CDH4: variants seen among roughly 807,000 people sequenced by gnomAD.
CDH4 encodes cadherin-4.
A neutral mutation model predicts 86.0 loss-of-function variants in CDH4; 33 were observed. The observed-to-expected ratio is 0.38, with a 90% CI of 0.29 to 0.51. The LOEUF is 0.51. Among genes scored for constraint, CDH4 ranks in the 20% least tolerant of loss-of-function variants. The pLI is 0.86. For synonymous variants in CDH4, 555 were observed against 549.4 expected, an observed-to-expected ratio of 1.01 and a Z score of -0.14; for missense variants, 1,114 against 1,307.4, an observed-to-expected ratio of 0.85 and a Z score of 2.28.
chr20:61,768,435 T>C (rs1367444546), intron 3 of CDH4, among the ~76,000 whole-genome samples: 1 of 152,164 alleles, frequency 6.6e-6, no homozygotes, highest in Admixed American at 6.5e-5. Context: ...ACTATCTAGT[T>C]TCTGGTAATG....
intron 2 of CDH4, among the ~76,000 whole-genome samples, chr20:61,279,867 C>T (rs2084249420): frequency 6.6e-6 from 1 of 152,182 alleles, no homozygotes; most frequent in South Asian, 2.1e-4. Context: ...GCACAGATGC[C>T]AGGATTTCTG....
chr20:61,330,508 C>T (rs1323018136), intron 2 of CDH4, among the ~76,000 whole-genome samples: 1 of 152,194 alleles, frequency 6.6e-6, no homozygotes, highest in Non-Finnish European at 1.5e-5. Flanking sequence ...GTTTGATTGT[C>T]ACCAGAGCAG....
At chr20:61,512,803 C>G (rs2085789905) in intron 2 of CDH4, among the ~76,000 whole-genome samples, 1 of 152,228 alleles carries the variant, frequency 6.6e-6, no homozygotes, top group African/African-American at 2.4e-5. Flanking sequence ...CGAGGAAGCT[C>G]ATGGCTGTGA....
chr20:61,844,613 C>T (rs1982342001), intron 4 of CDH4, 55 bp from the exon 5 acceptor site: 1 of 1,547,550 alleles, frequency 6.5e-7, no homozygotes, highest in Admixed American at 1.8e-5. Context: ...GAGATCGGCC[C>T]CGGGCCTCTC....
chr20:61,254,071 T>A (rs1039858894), intron 1 of CDH4, among the ~76,000 whole-genome samples: 6 of 152,176 alleles, frequency 3.9e-5, no homozygotes, highest in African/African-American at 1.4e-4. Flanking sequence ...CCCTGTGCCA[T>A]GGGCTCTAGA....
chr20:61,837,764 C>G (rs1055429072), intron 4 of CDH4, among the ~76,000 whole-genome samples: 2 of 151,974 alleles, frequency 1.3e-5, no homozygotes, highest in African/African-American at 2.4e-5. Context: ...ACAGAGCACC[C>G]CCCCCGTGGG....
rs1312334928 is a variant in CDH4, at chr20:61,467,131, T to C, written c.169+212194T>C. 4.6e-5 allele frequency among the ~76,000 whole-genome samples: 7 copies of C among 152,316 alleles called. No homozygotes were observed. In the East Asian group the frequency reaches 1.4e-3, roughly 29 times the overall value. ...CTACTGATGAGGAAGTTTGAAATCA[T>C]CTCTATTTCACAGATGAAGAAGCTG... On this transcript the variant is annotated intron_variant, in intron 2 of 15. Transcript: ENST00000614565.
intron 2 of CDH4, among the ~76,000 whole-genome samples, chr20:61,567,647 C>G (rs2086309948): frequency 6.6e-6 from 1 of 152,208 alleles, no homozygotes; most frequent in Non-Finnish European, 1.5e-5. Flanking sequence ...ATGCCGGGTC[C>G]TCCCCTGGAA....
chr20:61,878,938 C>G (rs992022870), intron 7 of CDH4, among the ~76,000 whole-genome samples: 1 of 152,262 alleles, frequency 6.6e-6, no homozygotes, highest in African/African-American at 2.4e-5. Context: ...ATGTTCAGAG[C>G]TGCCCTGCTC....
At chr20:61,526,437 C>T (rs1003650398) in intron 2 of CDH4, among the ~76,000 whole-genome samples, 5 of 152,076 alleles carry the variant, frequency 3.3e-5, no homozygotes, top group Admixed American at 3.3e-4. Flanking sequence ...CGACGATGGA[C>T]TCATGTTTAT....
At chr20:61,573,003 T>C (rs1162648356) in intron 2 of CDH4, among the ~76,000 whole-genome samples, 1 of 147,498 alleles carries the variant, frequency 6.8e-6, no homozygotes, top group Non-Finnish European at 1.5e-5. Flanking sequence ...GACGGACGGA[T>C]GGATGGATTG....
At chr20:61,274,027 G>A (rs141501972) in intron 2 of CDH4, among the ~76,000 whole-genome samples, 2,492 of 120,034 alleles carry the variant, frequency 0.021, 31 homozygotes, top group Middle Eastern at 0.036. Context: ...GGGGAGTACC[G>A]TGTGCAGTTT....
At chr20:61,529,033 C>T (rs577502608) in intron 2 of CDH4, among the ~76,000 whole-genome samples, 3 of 152,244 alleles carry the variant, frequency 2.0e-5, no homozygotes, top group African/African-American at 4.8e-5. Flanking sequence ...TGGAGTATTT[C>T]GTTCCTAATA....
intron 4 of CDH4, among the ~76,000 whole-genome samples, chr20:61,798,962 CTGTGT>C (rs1459287651): frequency 6.6e-6 from 1 of 152,270 alleles, no homozygotes; most frequent in Non-Finnish European, 1.5e-5. Context: ...CTGACAGCTA[CTGTGT>C]TGTGATCAAC....
chr20:61,767,247 G>A (rs2088710635), intron 3 of CDH4, among the ~76,000 whole-genome samples: 1 of 152,226 alleles, frequency 6.6e-6, no homozygotes, highest in Non-Finnish European at 1.5e-5. Flanking sequence ...GCTCAAGGGT[G>A]GCATCAGTAA....
chr20:61,933,199 C>T, intron 14 of CDH4, 75 bp downstream of exon 14: 1 of 1,547,436 alleles, frequency 6.5e-7, no homozygotes, highest in Non-Finnish European at 8.8e-7. Context: ...GCAGGGATTG[C>T]CCTGGGGTTT....
intron 4 of CDH4, among the ~76,000 whole-genome samples, chr20:61,793,476 C>T (rs186894203): frequency 6.6e-5 from 10 of 152,318 alleles, no homozygotes; most frequent in South Asian, 2.1e-4. Flanking sequence ...TGAGAAACAT[C>T]GCTCTGGGAC....
At chr20:61,762,465 A>G (rs1391895973) in intron 3 of CDH4, among the ~76,000 whole-genome samples, 2 of 152,216 alleles carry the variant, frequency 1.3e-5, no homozygotes, top group African/African-American at 4.8e-5. Context: ...ACAGAAAAGG[A>G]GGGCTCTGTT....
intron 2 of CDH4, among the ~76,000 whole-genome samples, chr20:61,564,615 G>T (rs2086249436): frequency 6.6e-6 from 1 of 152,144 alleles, no homozygotes; most frequent in Non-Finnish European, 1.5e-5. Flanking sequence ...CCAGCACCAT[G>T]CATCCTGTAC....
Sources: allele counts gnomAD v4.1 joint callset (sites outside exome capture counted in the v4.1 genomes callset), GRCh38; gene constraint gnomAD v4.1.1; transcripts MANE v1.5; gene names NCBI Gene and HGNC (gene_info 2026-07-23, HGNC 2026-07-21).